The following KLB variants were observed in gnomAD, a reference collection of about 807,000 sequenced individuals.
The protein encoded by KLB is beta-klotho.
Under a neutral mutation model 88.4 loss-of-function variants are expected in KLB, and 44 were observed. The observed-to-expected ratio is 0.50, with a 90% CI of 0.39 to 0.64. The LOEUF (loss-of-function observed/expected upper bound fraction) is 0.64, where lower values mean the gene tolerates loss of function less well. KLB is among the 30% of genes least tolerant of loss of function. The pLI, the probability that KLB is intolerant of heterozygous loss-of-function variation, is 0.00. For missense variants in KLB, 1,137 were observed against 1,304.8 expected (o/e 0.87, Z 1.98); for synonymous variants, 548 against 513.4 (o/e 1.07, Z -0.91).
chr4:39,439,518 T>A (rs1743550016), intron 3 of KLB, among the ~76,000 whole-genome samples: 1 of 152,072 alleles, frequency 6.6e-6, no homozygotes, highest in South Asian at 2.1e-4. Flanking sequence ...CAGGCTGGAG[T>A]GCAGCGGTGC....
Position 39,449,604 on chromosome 4 carries a change from T to C in KLB, c.*918T>C, listed in dbSNP as rs1210093715. ...CACCTATAGAATATCTAATTTGTGA[T>C]CTTTTACTAGATCTGATTTTTTAAA... On this transcript the variant is annotated 3_prime_UTR_variant, in exon 5 of 5. Transcript: ENST00000257408. The C allele has an allele frequency of 6.6e-6, 1 of 152,188 alleles. No individual in the cohort carries two copies. The highest frequency in any genetic ancestry group is 2.4e-5 in the African/African-American group (1 of 41,458). 9.4% of individuals were successfully genotyped at this position (152,188 alleles called of 1,614,324 possible).
chr4:39,429,190 C>CA (rs1305388092), intron 1 of KLB, among the ~76,000 whole-genome samples: 1 of 152,110 alleles, frequency 6.6e-6, no homozygotes, highest in East Asian at 1.9e-4. Context: ...ATATTTCAGC[C>CA]AAAATGTGAC....
rs745404929 is a variant in KLB at position 39,434,704 on chromosome 4, C to T, written c.1320C>T (p.Leu440=). 1.4e-5 allele frequency: 23 copies of T among 1,612,284 alleles called. 1 individual carries two copies. Among genetic ancestry groups the T allele is most frequent in the Non-Finnish European group, 1.6e-5 (19 of 1,179,278 alleles). ...TTAIYMMKNF[L]SQVLQAIRLD... ...CCATCTACATGATGAAGAATTTCCT[C>T]AGCCAGGTGCTTCAAGGTTGGTTGT... The change falls in exon 2 of 5, where the codon CTC becomes CTT. Residue 440 remains leucine (L), a synonymous_variant. Transcript: ENST00000257408.
At chr4:39,426,640 T>A (rs919492081) in intron 1 of KLB, among the ~76,000 whole-genome samples, 2 of 152,044 alleles carry the variant, frequency 1.3e-5, no homozygotes, top group Non-Finnish European at 2.9e-5. Flanking sequence ...CATAATTTTA[T>A]AATTTTTTAG....
rs1264742424 is a variant in KLB, at chr4:39,447,072, C to T, written c.2346C>T (p.Tyr782=). ...FAEPLFKTGD[Y]PAAMREYIAS... ...AGCCGCTCTTCAAGACCGGGGACTA[C>T]CCCGCGGCCATGAGGGAATACATTG... The change falls in exon 4 of 5, where the codon TAC becomes TAT. Residue 782 remains tyrosine (Y), a synonymous_variant. Coordinates refer to ENST00000257408, the MANE Select transcript of KLB (RefSeq NM_175737.4). 1 of 1,612,960 alleles carries T rather than the reference C, an allele frequency of 6.2e-7. No homozygotes were observed. The highest frequency in any genetic ancestry group is 8.5e-7 in the Non-Finnish European group (1 of 1,179,958).
chr4:39,431,189 CA>C (rs950466855), intron 1 of KLB, among the ~76,000 whole-genome samples: 4 of 151,282 alleles, frequency 2.6e-5, no homozygotes, highest in Non-Finnish European at 5.9e-5. Flanking sequence ...CTTGGCCTCC[CA>C]AAGTGTTGGG....
chr4:39,426,369 C>T (rs573143058), intron 1 of KLB, among the ~76,000 whole-genome samples: 2 of 129,106 alleles, frequency 1.5e-5, no homozygotes, highest in East Asian at 4.7e-4. Flanking sequence ...GAACTGAGAT[C>T]GCGCCACTAC....
chr4:39,445,236 C>G (rs1002280915), intron 3 of KLB, among the ~76,000 whole-genome samples: 5 of 152,094 alleles, frequency 3.3e-5, no homozygotes, highest in African/African-American at 9.7e-5. Context: ...GGTGCGATTA[C>G]TCCGTCACTA....
intron 1 of KLB, among the ~76,000 whole-genome samples, chr4:39,409,664 A>G (rs1742798435): frequency 6.6e-6 from 1 of 151,514 alleles, no homozygotes; most frequent in Admixed American, 6.6e-5. Flanking sequence ...ACAGTGCCTC[A>G]TGCCTGTAAT....
Position 39,446,307 on chromosome 4 carries a change from A to G in KLB, c.1606-25A>G. On this transcript the variant is annotated intron_variant, in intron 3 of 4. Transcript: ENST00000257408. The surrounding 1 kb of genome is among the most constrained non-coding windows in gnomAD (Gnocchi z 6.4). ...GCCTCCATCTGCCAGCGCATGCTTGACCTAAATGAGCTTGTTTTTCACAGC... is the reference window on the plus strand; with the variant it reads ...GCCTCCATCTGCCAGCGCATGCTTGGCCTAAATGAGCTTGTTTTTCACAGC... 1 of 1,601,298 alleles carries G rather than the reference A, an allele frequency of 6.2e-7. No homozygotes were observed. The highest frequency in any genetic ancestry group is 8.5e-7 in the Non-Finnish European group (1 of 1,174,032).
Position 39,446,907 on chromosome 4 carries a change from C to CCGG in KLB, c.2183_2185dup (p.Arg728dup). ...ACGCCCTGGCCTGGCGCCTCTACGA[C>CCGG]CGGCAGTTCAGGCCCTCACAGCGCG... On this transcript the variant is annotated inframe_insertion, in exon 4 of 5. Transcript: ENST00000257408. This position sits in a 1 kb window ranked among gnomAD's most constrained non-coding sequence, Gnocchi z 6.4. 3.1e-6 allele frequency: 5 copies of CCGG among 1,606,242 alleles called. No individual in the cohort carries two copies. Among genetic ancestry groups the CCGG allele is most frequent in the Non-Finnish European group, 4.2e-6 (5 of 1,179,180 alleles).
Position 39,448,594 on chromosome 4 carries a change from G to A in KLB, c.3043G>A (p.Ala1015Thr), listed in dbSNP as rs1452244125. ...CACCCTGGTTCTACTCTTATCAATTGCCATTTTTCAAAGGCAGAAGAGAAG... is the reference window on the plus strand; with the variant it reads ...CACCCTGGTTCTACTCTTATCAATTACCATTTTTCAAAGGCAGAAGAGAAG... ...FSTLVLLLSI[A>T]IFQRQKRRKF... The change falls in exon 5 of 5, where the codon GCC becomes ACC. Residue 1015 changes from alanine (A) to threonine (T), a missense_variant. Coordinates refer to ENST00000257408, the MANE Select transcript of KLB (RefSeq NM_175737.4). The A allele has an allele frequency of 6.2e-7, 1 of 1,614,090 alleles. No individual in the cohort carries two copies. The highest frequency in any genetic ancestry group is 8.5e-7 in the Non-Finnish European group (1 of 1,180,004).
At chr4:39,416,001 G>T (rs923832807) in intron 1 of KLB, among the ~76,000 whole-genome samples, 1 of 151,936 alleles carries the variant, frequency 6.6e-6, no homozygotes, top group East Asian at 1.9e-4. Context: ...TGCTGGACAC[G>T]TGTTAGGCAT....
intron 1 of KLB, among the ~76,000 whole-genome samples, chr4:39,431,730 G>A (rs745889379): frequency 1.3e-5 from 2 of 152,282 alleles, no homozygotes; most frequent in African/African-American, 4.8e-5. Context: ...AGGATGGCAC[G>A]TTTCAGAATC....
chr4:39,407,495 A>C lies in KLB; in HGVS notation c.546A>C (p.Leu182=). ...ACTACAGTACTCTTCTGGACGCTCT[A>C]GTGCTTAGAAACATTGAACCTATAG... ...LQYYSTLLDA[L]VLRNIEPIVT... Residue 182 remains leucine (L), a synonymous_variant, in exon 1 of 5, where the codon CTA becomes CTC. Coordinates refer to ENST00000257408, the MANE Select transcript of KLB (RefSeq NM_175737.4). The C allele has an allele frequency of 1.2e-6, 2 of 1,614,216 alleles. No homozygotes were observed. The highest frequency in any genetic ancestry group is 1.7e-6 in the Non-Finnish European group (2 of 1,180,026).
Position 39,449,349 on chromosome 4 carries a change from CTT to C in KLB, c.*665_*666del, listed in dbSNP as rs1743838340. 6.8e-6 allele frequency: 1 copy of C among 147,760 alleles called. No individual in the cohort carries two copies. The highest frequency in any genetic ancestry group is 1.5e-5 in the Non-Finnish European group (1 of 66,900). 9.2% of individuals were successfully genotyped at this position (147,760 alleles called of 1,614,324 possible). On this transcript the variant is annotated 3_prime_UTR_variant, in exon 5 of 5. Transcript: ENST00000257408. ...AAAAAAAAAAAAAGCAAAAGCAAAA[CTT>C]TGTTTTGTTAGACTCTACAGCAGAG...
Position 39,437,958 on chromosome 4 carries a change from G to C in KLB, c.1568G>C (p.Cys523Ser). Residue 523 changes from cysteine (C) to serine (S), a missense_variant, in exon 3 of 5, where the codon TGT (cysteine) becomes TCT (serine). By Grantham distance (112) the Cys-to-Ser change is moderately radical (BLOSUM62 -1). Transcript: ENST00000257408. Reference sequence around the variant, plus strand: ...CCAGATGTGCAGGGCCAGTTTCCCTGTGACTTCTCCTGGGGTGTCACTGAA... The same window carrying C: ...CCAGATGTGCAGGGCCAGTTTCCCTCTGACTTCTCCTGGGGTGTCACTGAA... ...STPDVQGQFP[C>S]DFSWGVTESV... is the part of the protein sequence containing the mutation. 6.2e-7 allele frequency: 1 copy of C among 1,614,194 alleles called. No homozygotes were observed. Among genetic ancestry groups the C allele is most frequent in the Non-Finnish European group, 8.5e-7 (1 of 1,180,016 alleles).
At chr4:39,410,352 T>C (rs898924101) in intron 1 of KLB, among the ~76,000 whole-genome samples, 1 of 152,214 alleles carries the variant, frequency 6.6e-6, no homozygotes, top group Non-Finnish European at 1.5e-5. Context: ...ATTAGCACTT[T>C]ATGATCGTGA....
In KLB at chr4:39,451,516, C is replaced by T. The variant is rs1743899993; in HGVS notation, c.*2830C>T. 6.6e-6 allele frequency: 1 copy of T among 152,208 alleles called. No individual in the cohort carries two copies. Among genetic ancestry groups the T allele is most frequent in the East Asian group, 1.9e-4 (1 of 5,204 alleles). 9.4% of individuals were successfully genotyped at this position (152,208 alleles called of 1,614,324 possible). A position where few individuals can be genotyped will look rare whatever the true frequency, so the allele number is the denominator to read the frequency against. On this transcript the variant is annotated 3_prime_UTR_variant, in exon 5 of 5. Coordinates refer to ENST00000257408, the MANE Select transcript of KLB (RefSeq NM_175737.4). ...TTCCAAATAAACTGGTTCATGCTGA[C>T]CACTTGTATTCAACTAACAACCTGG...
Sources: allele counts gnomAD v4.1 joint callset (sites outside exome capture counted in the v4.1 genomes callset), GRCh38; gene constraint gnomAD v4.1.1; non-coding constraint Gnocchi (gnomAD v3.1); transcripts MANE v1.5; gene names NCBI Gene and HGNC (gene_info 2026-07-23, HGNC 2026-07-21).